Variants in STK32B observed in about 807,000 individuals in gnomAD.
STK32B encodes serine/threonine kinase 32B.
In STK32B, 43 loss-of-function variants were observed where a neutral mutation model predicts 52.6. That is an observed-to-expected ratio of 0.82 (90% CI 0.64 to 1.05). STK32B has a LOEUF of 1.05. Among genes scored for constraint, STK32B ranks in the 50% least tolerant of loss-of-function variants. STK32B has a pLI of 0.00. For synonymous variants in STK32B, 238 were observed against 204.3 expected (o/e 1.17, Z -1.41); for missense variants, 621 against 534.6 (o/e 1.16, Z -1.59).
intron 4 of STK32B, among the ~76,000 whole-genome samples, chr4:5,366,705 C>G (rs1734901533): frequency 6.6e-6 from 1 of 152,218 alleles, no homozygotes; most frequent in South Asian, 2.1e-4. Flanking sequence ...TTCACAAAAG[C>G]AGACATGGGT....
At chr4:5,245,844 T>C (rs185160718) in intron 3 of STK32B, among the ~76,000 whole-genome samples, 117 of 152,270 alleles carry the variant, frequency 7.7e-4, no homozygotes, top group African/African-American at 2.6e-3. Context: ...GTTAGTTTGG[T>C]GGGATATGAA....
At chr4:5,421,341 C>T (rs914520659) in intron 6 of STK32B, among the ~76,000 whole-genome samples, 13 of 152,094 alleles carry the variant, frequency 8.5e-5, no homozygotes, top group Admixed American at 1.3e-4. Context: ...CCACCAGCCT[C>T]GGCCTCCCAA....
chr4:5,434,456 A>ATC (rs1713869888), intron 6 of STK32B, among the ~76,000 whole-genome samples: 2 of 111,056 alleles, frequency 1.8e-5, no homozygotes, highest in African/African-American at 7.8e-5. Flanking sequence ...GTGTGTGTGT[A>ATC]TATATATATA....
chr4:5,071,663 AG>A (rs1316504447), intron 1 of STK32B, among the ~76,000 whole-genome samples: 1 of 152,176 alleles, frequency 6.6e-6, no homozygotes, highest in African/African-American at 2.4e-5. Context: ...GGAGAATCAA[AG>A]GAGCTTAGCA....
chr4:5,429,832 ATTTTAACTGGATACAGAACTCT>A (rs1713420537), intron 6 of STK32B, among the ~76,000 whole-genome samples: 1 of 152,016 alleles, frequency 6.6e-6, no homozygotes, highest in Admixed American at 6.6e-5. Context: ...GTTACAAGAT[ATTTTAACTGGATACAGAACTCT>A]GGGTTAAGAG....
the STK32B span, among the ~76,000 whole-genome samples, chr4:5,038,731 T>C: frequency 6.6e-6 from 1 of 152,346 alleles, no homozygotes; most frequent in South Asian, 2.1e-4. Flanking sequence ...TTGCTCTGGA[T>C]GAGTGAGTAG....
At chr4:5,490,170 G>C (rs955325568) in intron 11 of STK32B, among the ~76,000 whole-genome samples, 3 of 150,866 alleles carry the variant, frequency 2.0e-5, no homozygotes, top group African/African-American at 7.3e-5. Flanking sequence ...GCAGTGGCAT[G>C]ATCTTGGCTC....
At chr4:5,468,141 A>C in intron 11 of STK32B, 71 bp downstream of exon 11, 1 of 1,510,592 alleles carries the variant, frequency 6.6e-7, no homozygotes, top group Non-Finnish European at 9.2e-7. Context: ...TGGCAGAATC[A>C]CAGTCCCTGC....
intron 3 of STK32B, 24 bp downstream of exon 3, chr4:5,168,474 TCCTGTGGGTTCC>T: frequency 2.5e-6 from 4 of 1,598,254 alleles, no homozygotes; most frequent in African/African-American, 1.3e-5. Context: ...CATCCAGGGC[TCCTGTGGGTTCC>T]CCTGTGGGGA....
rs567299093 is a variant in STK32B at position 5,361,005 on chromosome 4, T to C, written c.434+29612T>C. ...ACTCCTCTACCCAGTCCCTGGTAACTGCCATTCTACTCTGTCTCTATGATT... is the reference window on the plus strand; with the variant it reads ...ACTCCTCTACCCAGTCCCTGGTAACCGCCATTCTACTCTGTCTCTATGATT... On this transcript the variant is annotated intron_variant, in intron 4 of 11. Coordinates refer to ENST00000282908, the MANE Select transcript of STK32B (RefSeq NM_018401.3). 2.6e-5 allele frequency among the ~76,000 whole-genome samples: 4 copies of C among 152,340 alleles called. No individual in the cohort carries two copies. In the East Asian group the frequency reaches 7.7e-4, roughly 29 times the overall value.
At chr4:5,415,070 G>C (rs371360717) in intron 5 of STK32B, among the ~76,000 whole-genome samples, 5 of 152,290 alleles carry the variant, frequency 3.3e-5, no homozygotes, top group East Asian at 3.9e-4. Context: ...ACAGTAATGA[G>C]TTTGCTTTCT....
intron 3 of STK32B, among the ~76,000 whole-genome samples, chr4:5,242,301 T>C (rs1482314467): frequency 2.0e-5 from 3 of 152,234 alleles, no homozygotes; most frequent in African/African-American, 7.2e-5. Context: ...TCATTGTGGT[T>C]TTGATTTGCA....
At chr4:5,202,668 A>C (rs1032365150) in intron 3 of STK32B, among the ~76,000 whole-genome samples, 2 of 152,010 alleles carry the variant, frequency 1.3e-5, no homozygotes, top group Non-Finnish European at 2.9e-5. Context: ...CCAAATCTCA[A>C]CTCTTATCTT....
intron 11 of STK32B, among the ~76,000 whole-genome samples, chr4:5,473,967 A>T (rs1356244930): frequency 6.6e-6 from 1 of 152,056 alleles, no homozygotes; most frequent in African/African-American, 2.4e-5. Flanking sequence ...TACAAAAATT[A>T]GTCTGGTGTG....
intron 6 of STK32B, among the ~76,000 whole-genome samples, chr4:5,446,294 G>A (rs187812966): frequency 2.0e-5 from 3 of 152,190 alleles, no homozygotes; most frequent in Admixed American, 6.5e-5. Flanking sequence ...GACCGGATGC[G>A]ATGGCTCACG....
intron 6 of STK32B, among the ~76,000 whole-genome samples, chr4:5,424,044 G>A (rs1484976599): frequency 6.6e-6 from 1 of 152,122 alleles, no homozygotes; most frequent in African/African-American, 2.4e-5. Context: ...CCTGCTGCCT[G>A]GACTCGCCCT....
At chr4:5,379,180 G>A (rs1279020470) in intron 4 of STK32B, among the ~76,000 whole-genome samples, 4 of 152,092 alleles carry the variant, frequency 2.6e-5, no homozygotes, top group Non-Finnish European at 5.9e-5. Context: ...GGAGACTGTC[G>A]GCGGAGCTGG....
chr4:5,456,632 C>T (rs1716545136), intron 7 of STK32B, among the ~76,000 whole-genome samples, 175 bp from the exon 8 acceptor site: 2 of 152,214 alleles, frequency 1.3e-5, no homozygotes, highest in African/African-American at 2.4e-5. Context: ...GCCCCCTGGG[C>T]CTGGTTACTG....
At chr4:5,393,692 C>T (rs1437236686) in intron 4 of STK32B, among the ~76,000 whole-genome samples, 1 of 152,126 alleles carries the variant, frequency 6.6e-6, no homozygotes, top group Non-Finnish European at 1.5e-5. Flanking sequence ...CTAAACCATT[C>T]AGGAGAAACC....
Sources: allele counts gnomAD v4.1 joint callset (sites outside exome capture counted in the v4.1 genomes callset), GRCh38; gene constraint gnomAD v4.1.1; transcripts MANE v1.5; gene names NCBI Gene and HGNC (gene_info 2026-07-23, HGNC 2026-07-21).